Variants in ANKMY2 observed in about 807,000 individuals in gnomAD.
The protein encoded by ANKMY2 is ankyrin repeat and MYND domain-containing protein 2.
Under a neutral mutation model 50.4 loss-of-function variants are expected in ANKMY2, and 36 were observed. The ratio of observed to expected loss-of-function variants is 0.71; its 90% confidence interval spans 0.55 to 0.94. The LOEUF is 0.94. Among genes scored for constraint, ANKMY2 ranks in the 40% least tolerant of loss-of-function variants. The pLI is 0.00. For missense variants in ANKMY2, 565 were observed against 524.0 expected, an observed-to-expected ratio of 1.08 and a Z score of -0.76; for synonymous variants, 187 against 178.8, an observed-to-expected ratio of 1.05 and a Z score of -0.36.
In ANKMY2 at chr7:16,602,240, A is replaced by T. The variant is rs375531087; in HGVS notation, c.1141+140T>A. On this transcript the variant is annotated intron_variant, in intron 9 of 9. Coordinates refer to ENST00000306999, the MANE Select transcript of ANKMY2 (RefSeq NM_020319.3). Reference sequence around the variant, plus strand: ...TAAGAACTTAAAAACGGGACACATTAAAATTTAAATGTGATTCTTACATCG... The same window carrying T: ...TAAGAACTTAAAAACGGGACACATTTAAATTTAAATGTGATTCTTACATCG... 159 of 1,030,344 alleles carry T rather than the reference A, an allele frequency of 1.5e-4. No individual in the cohort carries two copies. The African/African-American group carries it at 2.2e-3, about 14-fold the overall frequency. The allele number at this position is 1,030,344 out of a possible 1,614,324, so 63.8% of individuals were successfully genotyped here. A position where few individuals can be genotyped will look rare whatever the true frequency, so the allele number is the denominator to read the frequency against.
chr7:16,608,699 C>G (rs1453312110), intron 7 of ANKMY2, among the ~76,000 whole-genome samples: 1 of 152,038 alleles, frequency 6.6e-6, no homozygotes, highest in East Asian at 1.9e-4. Flanking sequence ...TAAACAAAAA[C>G]CTATTCAAAA....
At chr7:16,613,369 T>C (rs1359641241) in intron 5 of ANKMY2, among the ~76,000 whole-genome samples, 1 of 152,136 alleles carries the variant, frequency 6.6e-6, no homozygotes, top group East Asian at 1.9e-4. Context: ...GGAAATGCCA[T>C]GCTAGCTTAA....
intron 2 of ANKMY2, 35 bp from the exon 3 acceptor site, chr7:16,627,213 C>G: frequency 6.8e-7 from 1 of 1,466,006 alleles, no homozygotes; most frequent in Non-Finnish European, 9.3e-7. Flanking sequence ...ATTAATTTTA[C>G]TGTTTTATCT....
chr7:16,629,585 T>A (rs1402407681), intron 2 of ANKMY2, among the ~76,000 whole-genome samples: 1 of 152,076 alleles, frequency 6.6e-6, no homozygotes, highest in Non-Finnish European at 1.5e-5. Flanking sequence ...TGCTGTGCAA[T>A]CTCTGAAACT....
At chr7:16,605,877 G>T (rs899954866) in intron 7 of ANKMY2, among the ~76,000 whole-genome samples, 1 of 151,618 alleles carries the variant, frequency 6.6e-6, no homozygotes, top group African/African-American at 2.4e-5. Flanking sequence ...TAGAGATGGG[G>T]TTTCACCGTG....
rs1390878913 is a variant in ANKMY2 at position 16,615,811 on chromosome 7, T to C, written c.464A>G (p.Lys155Arg). ...CGGGCCTGCCAACTTTGGGGGCAGT[T>C]TTGGCTCTTTATCCAGTCCCTGGGG... The part of the protein sequence containing the change: ...TKPQGLDKEP[K>R]LPPKLAGPLH... The change falls in exon 5 of 10, where the codon AAA becomes AGA. Residue 155 changes from lysine (K) to arginine (R), a missense_variant. Lys to Arg is a conservative substitution (Grantham distance 26). Coordinates refer to ENST00000306999, the MANE Select transcript of ANKMY2 (RefSeq NM_020319.3). 12 of 1,614,094 alleles carry C rather than the reference T, an allele frequency of 7.4e-6. No homozygotes were observed. The highest frequency in any genetic ancestry group is 1.0e-5 in the Non-Finnish European group (12 of 1,180,044).
chr7:16,603,300 AAC>A (rs762951489), intron 8 of ANKMY2, among the ~76,000 whole-genome samples: 4 of 152,188 alleles, frequency 2.6e-5, no homozygotes, highest in Non-Finnish European at 5.9e-5. Flanking sequence ...ATAATTTCTT[AAC>A]ACAGTACAGG....
intron 8 of ANKMY2, chr7:16,603,560 C>T (rs1781105071): frequency 2.1e-6 from 1 of 465,168 alleles, no homozygotes; most frequent in African/African-American, 2.0e-5. Flanking sequence ...GTATGCCAAG[C>T]ACTGTGGTAG....
chr7:16,614,038 C>T (rs1377218943), intron 5 of ANKMY2, among the ~76,000 whole-genome samples: 1 of 152,090 alleles, frequency 6.6e-6, no homozygotes, highest in African/African-American at 2.4e-5. Flanking sequence ...TCAGTCTAAG[C>T]CAGAATATCC....
At chr7:16,637,795 T>C (rs1056969222) in intron 1 of ANKMY2, among the ~76,000 whole-genome samples, 11 of 152,226 alleles carry the variant, frequency 7.2e-5, no homozygotes, top group Non-Finnish European at 1.5e-4. Context: ...CCAAATCCCA[T>C]TCTCTACTGA....
chr7:16,602,363 G>A lies in ANKMY2; in HGVS notation c.1141+17C>T, dbSNP rs372868648. On this transcript the variant is annotated intron_variant, in intron 9 of 9. Coordinates refer to ENST00000306999, the MANE Select transcript of ANKMY2 (RefSeq NM_020319.3). ...CTCCACTAAAAAGCAGAGTGAACTC[G>A]GTTTTTATATACATACGGTTTTCCT... The A allele has an allele frequency of 5.0e-6, 8 of 1,607,166 alleles. No individual in the cohort carries two copies. Among genetic ancestry groups the A allele is most frequent in the South Asian group, 1.1e-5 (1 of 89,468 alleles).
At chr7:16,604,893 C>T in intron 7 of ANKMY2, 44 bp from the exon 8 acceptor site, 1 of 1,580,924 alleles carries the variant, frequency 6.3e-7, no homozygotes. Context: ...TCTGAAATCA[C>T]CATGGAAACA....
chr7:16,615,036 A>G (rs1370398581), intron 5 of ANKMY2, among the ~76,000 whole-genome samples: 2 of 152,358 alleles, frequency 1.3e-5, no homozygotes, highest in South Asian at 2.1e-4. Context: ...TAGCAGTGAA[A>G]TATTTCAGAA....
At chr7:16,625,979 CTT>C (rs536879249) in intron 3 of ANKMY2, among the ~76,000 whole-genome samples, 53 of 103,106 alleles carry the variant, frequency 5.1e-4, no homozygotes, top group Admixed American at 1.1e-3. Flanking sequence ...TATAAGAAGT[CTT>C]TTTTTTTTTT....
At chr7:16,645,213 C>T (rs747060662) in intron 1 of ANKMY2, among the ~76,000 whole-genome samples, 3 of 152,158 alleles carry the variant, frequency 2.0e-5, no homozygotes, top group Non-Finnish European at 4.4e-5. Context: ...GTCCACACCC[C>T]GGGAAGCTCG....
intron 7 of ANKMY2, among the ~76,000 whole-genome samples, chr7:16,607,977 C>T (rs1202132130): frequency 6.6e-6 from 1 of 152,114 alleles, no homozygotes; most frequent in Non-Finnish European, 1.5e-5. Context: ...AGATATAGAC[C>T]CCTTTGCTCT....
chr7:16,608,388 T>G (rs949034805), intron 7 of ANKMY2, among the ~76,000 whole-genome samples: 2 of 152,248 alleles, frequency 1.3e-5, no homozygotes, highest in African/African-American at 4.8e-5. Flanking sequence ...AACAAATTAA[T>G]GCATGAGCTT....
chr7:16,607,560 C>A (rs1781180546), intron 7 of ANKMY2, among the ~76,000 whole-genome samples: 1 of 151,788 alleles, frequency 6.6e-6, no homozygotes, highest in African/African-American at 2.4e-5. Context: ...AAAACAAGAC[C>A]CCCCTCAATA....
At chr7:16,614,622 T>G (rs1781311419) in intron 5 of ANKMY2, among the ~76,000 whole-genome samples, 1 of 152,224 alleles carries the variant, frequency 6.6e-6, no homozygotes, top group Non-Finnish European at 1.5e-5. Context: ...CTTATATCTT[T>G]GAGTGAGTGT....
Sources: gnomAD v4.1 joint callset for allele counts (sites outside exome capture counted in the v4.1 genomes callset) on GRCh38, gnomAD v4.1.1 for gene constraint, MANE v1.5 for transcripts, NCBI Gene and HGNC (gene_info 2026-07-23, HGNC 2026-07-21) for gene names.